Variants in SIPA1L1 observed in about 807,000 individuals in gnomAD.
The protein encoded by SIPA1L1 is signal-induced proliferation-associated 1-like protein 1.
Under a neutral mutation model 162.7 loss-of-function variants are expected in SIPA1L1, and 26 were observed. The observed-to-expected ratio is 0.16, with a 90% CI of 0.12 to 0.22. SIPA1L1 has a LOEUF of 0.22. SIPA1L1 is among the 10% of genes least tolerant of loss of function. The pLI is 1.00. For missense variants in SIPA1L1, 1,874 were observed against 2,241.0 expected (o/e 0.84, Z 3.31); for synonymous variants, 829 against 837.4 (o/e 0.99, Z 0.17).
intron 17 of SIPA1L1, among the ~76,000 whole-genome samples, chr14:71,714,993 C>T (rs1445493241): frequency 6.6e-6 from 1 of 152,194 alleles, no homozygotes; most frequent in Non-Finnish European, 1.5e-5. Context: ...GAATAAATGT[C>T]TTTTTATGAG....
chr14:71,696,319 A>G (rs2081625334), intron 13 of SIPA1L1, among the ~76,000 whole-genome samples: 1 of 152,132 alleles, frequency 6.6e-6, no homozygotes, highest in Non-Finnish European at 1.5e-5. Flanking sequence ...TGTTTACCCC[A>G]TTTCACACTA....
rs541717278 is a variant in SIPA1L1 at position 71,513,029 on chromosome 14, C to T, written c.-362+184C>T. 5.3e-5 allele frequency among the ~76,000 whole-genome samples: 8 copies of T among 152,296 alleles called. No homozygotes were observed. In the East Asian group the frequency reaches 1.5e-3, roughly 29 times the overall value. ...CCAGATCGAACCAATGTATACCTCA[C>T]ATATACTGACTGATGTCTCGTGTCT... On this transcript the variant is annotated intron_variant, in intron 3 of 23. Coordinates refer to ENST00000381232, the MANE Select transcript of SIPA1L1 (RefSeq NM_001386936.1).
chr14:71,664,404 G>GT (rs1278905537), intron 10 of SIPA1L1, among the ~76,000 whole-genome samples: 3 of 151,888 alleles, frequency 2.0e-5, no homozygotes, highest in Non-Finnish European at 4.4e-5. Context: ...CTTTTTTAAA[G>GT]TTTTTTTAAT....
chr14:71,406,435 C>T (rs2042030048), intron 2 of SIPA1L1, among the ~76,000 whole-genome samples: 1 of 151,788 alleles, frequency 6.6e-6, no homozygotes, highest in African/African-American at 2.4e-5. Context: ...ATTTTTATGA[C>T]TTGGGGTCAA....
At chr14:71,584,226 T>C (rs1230880874) in intron 4 of SIPA1L1, among the ~76,000 whole-genome samples, 2 of 151,496 alleles carry the variant, frequency 1.3e-5, no homozygotes, top group Non-Finnish European at 2.9e-5. Context: ...AAAAGAGAGG[T>C]TCAGGATGGA....
intron 2 of SIPA1L1, among the ~76,000 whole-genome samples, chr14:71,403,483 C>A (rs577290391): frequency 2.2e-4 from 34 of 151,308 alleles, no homozygotes; most frequent in Non-Finnish European, 4.1e-4. Context: ...ACCTGTAATC[C>A]CAGCTACTCA....
At chr14:71,581,753 CA>C (rs917322577) in intron 4 of SIPA1L1, among the ~76,000 whole-genome samples, 1 of 152,166 alleles carries the variant, frequency 6.6e-6, no homozygotes, top group African/African-American at 2.4e-5. Context: ...TGGAAACTCT[CA>C]ATGCCCCCAA....
At chr14:71,684,477 C>T (rs2046095745) in intron 12 of SIPA1L1, among the ~76,000 whole-genome samples, 1 of 152,260 alleles carries the variant, frequency 6.6e-6, no homozygotes, top group Non-Finnish European at 1.5e-5. Context: ...CTGCACTGTC[C>T]AGGACAGGAG....
rs976254468 is a variant in SIPA1L1, at chr14:71,377,865, A to G, written c.-465+56684A>G. Among the ~76,000 whole-genome samples the G allele has an allele frequency of 2.0e-5, 3 of 152,144 alleles. No homozygotes were observed. Among genetic ancestry groups the G allele is most frequent in the Non-Finnish European group, 4.4e-5 (3 of 68,028 alleles). ...GCGGCGCGTGCCTGCAATCCCAGGC[A>G]CTCGGCAGGCTGAGGCAGGAGAATC... is the stretch of plus-strand genomic sequence containing the variant. On this transcript the variant is annotated intron_variant, in intron 2 of 23. Transcript: ENST00000381232. This position sits in a 1 kb window ranked among gnomAD's most constrained non-coding sequence, Gnocchi z 4.8.
chr14:71,674,127 T>C (rs2044824875), intron 12 of SIPA1L1, among the ~76,000 whole-genome samples: 1 of 152,206 alleles, frequency 6.6e-6, no homozygotes, highest in African/African-American at 2.4e-5. Flanking sequence ...CTTAATTACC[T>C]ACAGTAAAGA....
At chr14:71,518,220 G>T (rs1367468841) in intron 3 of SIPA1L1, among the ~76,000 whole-genome samples, 1 of 151,772 alleles carries the variant, frequency 6.6e-6, no homozygotes, top group Non-Finnish European at 1.5e-5. Flanking sequence ...AGAGGCGGAG[G>T]TTGTAGTGAG....
intron 14 of SIPA1L1, among the ~76,000 whole-genome samples, chr14:71,700,989 C>T (rs1382715468): frequency 8.9e-5 from 6 of 67,388 alleles, no homozygotes; most frequent in African/African-American, 2.3e-4. Flanking sequence ...AGCAAGACTC[C>T]GTCTCAAAAA....
intron 4 of SIPA1L1, among the ~76,000 whole-genome samples, chr14:71,533,343 T>C (rs2053612409): frequency 6.6e-6 from 1 of 152,200 alleles, no homozygotes; most frequent in Admixed American, 6.5e-5. Context: ...AGAGTACCCT[T>C]TTTCATTTTT....
chr14:71,732,994 C>T (rs879412665), intron 20 of SIPA1L1, among the ~76,000 whole-genome samples: 5 of 152,154 alleles, frequency 3.3e-5, no homozygotes, highest in Admixed American at 6.5e-5. Context: ...AGGCGGATTA[C>T]GAGGTCAGGA....
intron 17 of SIPA1L1, among the ~76,000 whole-genome samples, chr14:71,713,878 ATGT>A (rs1465110974): frequency 6.6e-6 from 1 of 151,752 alleles, no homozygotes; most frequent in Non-Finnish European, 1.5e-5. Context: ...CTGCCTGGAA[ATGT>A]TTTTTTTTTT....
At chr14:71,506,487 CG>C (rs1489638418) in intron 2 of SIPA1L1, among the ~76,000 whole-genome samples, 1 of 151,814 alleles carries the variant, frequency 6.6e-6, no homozygotes, top group East Asian at 1.9e-4. Flanking sequence ...ATTACAGGGG[CG>C]TGCCACCACA....
chr14:71,381,091 C>T (rs568090715), intron 2 of SIPA1L1, among the ~76,000 whole-genome samples: 7 of 152,310 alleles, frequency 4.6e-5, no homozygotes, highest in African/African-American at 4.8e-5. Context: ...CTGGCACTGT[C>T]GCCTGGGCTG....
At chr14:71,448,788 T>A (rs117175042) in intron 2 of SIPA1L1, 5 of 152,120 alleles carry the variant, frequency 3.3e-5, no homozygotes, top group African/African-American at 7.2e-5. Flanking sequence ...TCTATGCCAA[T>A]TGAGTGTCCC....
intron 2 of SIPA1L1, among the ~76,000 whole-genome samples, chr14:71,378,297 C>T (rs752987116): frequency 6.6e-6 from 1 of 151,690 alleles, no homozygotes; most frequent in African/African-American, 2.4e-5. Context: ...TAAGGTGGAA[C>T]CTTAGGTAAC....
Sources: gnomAD v4.1 joint callset for allele counts (sites outside exome capture counted in the v4.1 genomes callset) on GRCh38, gnomAD v4.1.1 for gene constraint, Gnocchi (gnomAD v3.1) non-coding constraint, MANE v1.5 for transcripts, NCBI Gene and HGNC (gene_info 2026-07-23, HGNC 2026-07-21) for gene names.